CCDC178: variants seen among roughly 807,000 people sequenced by gnomAD.
CCDC178 encodes the protein coiled-coil domain-containing protein 178.
CCDC178 carries 126 observed loss-of-function variants against 117.4 expected under a neutral mutation model. The observed-to-expected ratio is 1.07, with a 90% CI of 0.93 to 1.24. The LOEUF is 1.24. Among genes scored for constraint, CCDC178 ranks in the 50% most tolerant of loss-of-function variants. The pLI, the probability that CCDC178 is intolerant of heterozygous loss-of-function variation, is 0.00. For synonymous variants in CCDC178, 283 were observed against 313.4 expected, an observed-to-expected ratio of 0.90 and a Z score of 1.02; for missense variants, 1,030 against 986.9, an observed-to-expected ratio of 1.04 and a Z score of -0.59.
chr18:33,332,395 ATAAAT>A (rs1202661249), intron 10 of CCDC178, among the ~76,000 whole-genome samples: 6 of 152,194 alleles, frequency 3.9e-5, no homozygotes, highest in African/African-American at 1.4e-4. Flanking sequence ...ACAATTATCA[ATAAAT>A]TATTTTCATA....
chr18:33,238,933 A>T (rs969308421), intron 15 of CCDC178, among the ~76,000 whole-genome samples: 1 of 152,278 alleles, frequency 6.6e-6, no homozygotes, highest in Middle Eastern at 3.4e-3. Context: ...TGGATTTGCC[A>T]GGAGAAATCT....
intron 14 of CCDC178, 51 bp from the exon 15 acceptor site, chr18:33,245,479 C>T: frequency 2.3e-6 from 3 of 1,291,888 alleles, no homozygotes; most frequent in South Asian, 4.4e-5. Context: ...GTGAGACAAA[C>T]ATATTTAATA....
intron 14 of CCDC178, among the ~76,000 whole-genome samples, chr18:33,246,436 T>G (rs1188951743): frequency 6.6e-6 from 1 of 151,792 alleles, no homozygotes; most frequent in Non-Finnish European, 1.5e-5. Context: ...CATGATTAGC[T>G]TTCACTTAAC....
intron 20 of CCDC178, among the ~76,000 whole-genome samples, chr18:33,145,682 A>C (rs1265103642): frequency 6.6e-6 from 1 of 152,222 alleles, no homozygotes; most frequent in Non-Finnish European, 1.5e-5. Context: ...AATACACATA[A>C]AAAAATTTGA....
chr18:32,947,875 C>T (rs1208952875), intron 22 of CCDC178, among the ~76,000 whole-genome samples: 1 of 152,028 alleles, frequency 6.6e-6, no homozygotes, highest in East Asian at 1.9e-4. Context: ...TTAATTTTTG[C>T]ATATTGTCCA....
chr18:33,077,450 C>T (rs2057229546), intron 21 of CCDC178, among the ~76,000 whole-genome samples: 2 of 152,154 alleles, frequency 1.3e-5, no homozygotes, highest in Admixed American at 1.3e-4. Flanking sequence ...ATAATGTTCC[C>T]TAATCCAATA....
At chr18:33,182,543 T>G (rs2058743956) in intron 20 of CCDC178, among the ~76,000 whole-genome samples, 1 of 151,968 alleles carries the variant, frequency 6.6e-6, no homozygotes, top group African/African-American at 2.4e-5. Flanking sequence ...CTTTCAAATC[T>G]TTGGTGCTGG....
intron 5 of CCDC178, among the ~76,000 whole-genome samples, chr18:33,372,804 T>G (rs2144766229): frequency 6.6e-6 from 1 of 152,234 alleles, no homozygotes; most frequent in African/African-American, 2.4e-5. Context: ...CTTATATAAT[T>G]TATTCACCCA....
intron 21 of CCDC178, among the ~76,000 whole-genome samples, chr18:33,041,865 A>G (rs1180084264): frequency 6.6e-6 from 1 of 151,866 alleles, no homozygotes; most frequent in Non-Finnish European, 1.5e-5. Context: ...TCAATGAAGA[A>G]AAAAGGCTAT....
intron 21 of CCDC178, among the ~76,000 whole-genome samples, chr18:33,021,389 G>A (rs2056113821): frequency 6.6e-6 from 1 of 151,816 alleles, no homozygotes; most frequent in Non-Finnish European, 1.5e-5. Flanking sequence ...ACAAATACTT[G>A]AGACTGCATC....
At chr18:33,053,120 G>C (rs2056772231) in intron 21 of CCDC178, among the ~76,000 whole-genome samples, 1 of 152,170 alleles carries the variant, frequency 6.6e-6, no homozygotes, top group Non-Finnish European at 1.5e-5. Flanking sequence ...AGAGCAATGT[G>C]ACCAAAGCAG....
intron 18 of CCDC178, among the ~76,000 whole-genome samples, chr18:33,218,519 A>G (rs1599014643): frequency 6.6e-6 from 1 of 152,080 alleles, no homozygotes; most frequent in Admixed American, 6.6e-5. Flanking sequence ...GTCATGAAGT[A>G]CTTGCCAATG....
Position 33,346,328 on chromosome 18 carries a change from G to A in CCDC178, c.541C>T (p.Arg181Trp), listed in dbSNP as rs141279050. The change falls in exon 9 of 23, where the codon CGG becomes TGG. Residue 181 changes from arginine to tryptophan, a missense_variant. Transcript: ENST00000383096. Reference protein sequence around the residue: ...IRLIKSLETDRADAEEALKQQ... With the variant: ...IRLIKSLETDWADAEEALKQQ... ...TTTAAAGCTTCTTCAGCGTCTGCCCGGTCAGTTTCTAGACTTTTAATGAGA... is the reference window on the plus strand; with the variant it reads ...TTTAAAGCTTCTTCAGCGTCTGCCCAGTCAGTTTCTAGACTTTTAATGAGA... The A allele has an allele frequency of 8.2e-5, 133 of 1,612,938 alleles. No homozygotes were observed. Among genetic ancestry groups the A allele is most frequent in the Admixed American group, 2.3e-4 (14 of 59,954 alleles).
intron 21 of CCDC178, among the ~76,000 whole-genome samples, chr18:32,975,390 C>T (rs1219503522): frequency 6.6e-6 from 1 of 152,114 alleles, no homozygotes; most frequent in Non-Finnish European, 1.5e-5. Flanking sequence ...AAGAATTCAC[C>T]TATGACATGT....
chr18:33,298,164 A>G (rs1039995840), intron 11 of CCDC178, among the ~76,000 whole-genome samples: 1 of 152,206 alleles, frequency 6.6e-6, no homozygotes, highest in Non-Finnish European at 1.5e-5. Context: ...CTAGACAGGG[A>G]CACAACAAGA....
chr18:33,051,725 C>T (rs949333321), intron 21 of CCDC178, among the ~76,000 whole-genome samples: 1 of 152,132 alleles, frequency 6.6e-6, no homozygotes, highest in African/African-American at 2.4e-5. Context: ...AGTCCAGGGG[C>T]GCCAGTGGTC....
At chr18:33,424,760 G>T (rs957605015) in intron 2 of CCDC178, among the ~76,000 whole-genome samples, 5 of 152,210 alleles carry the variant, frequency 3.3e-5, no homozygotes, top group African/African-American at 7.2e-5. Flanking sequence ...AGAGCAGACA[G>T]CTCAGAATAG....
intron 20 of CCDC178, among the ~76,000 whole-genome samples, chr18:33,102,052 A>G (rs987226041): frequency 7.2e-5 from 11 of 151,956 alleles, no homozygotes; most frequent in Non-Finnish European, 1.3e-4. Flanking sequence ...AGAGAGGTAC[A>G]TGGAGTAGAA....
chr18:33,426,757 A>G (rs2064130677), intron 2 of CCDC178, among the ~76,000 whole-genome samples: 1 of 152,136 alleles, frequency 6.6e-6, no homozygotes, highest in Admixed American at 6.5e-5. Context: ...TACTTTTCCT[A>G]CTGAAGAGAT....
Sources: allele counts gnomAD v4.1 joint callset (sites outside exome capture counted in the v4.1 genomes callset), GRCh38; gene constraint gnomAD v4.1.1; transcripts MANE v1.5; gene names NCBI Gene and HGNC (gene_info 2026-07-23, HGNC 2026-07-21).